NOX3: variants seen among roughly 807,000 people sequenced by gnomAD.
NOX3 encodes the protein NADPH oxidase 3.
NOX3 carries 74 observed loss-of-function variants against 76.7 expected under a neutral mutation model. That is an observed-to-expected ratio of 0.96 (90% confidence interval 0.80 to 1.17). The LOEUF (loss-of-function observed/expected upper bound fraction) is 1.17, where lower values mean the gene tolerates loss of function less well. NOX3 is among the 50% of genes most tolerant of loss of function. The probability of loss-of-function intolerance (pLI) is 0.00; values close to 1 mark genes in which losing one functional copy is unlikely to be tolerated. For synonymous variants in NOX3, 263 were observed against 261.1 expected (o/e 1.01, Z -0.07); for missense variants, 695 against 703.3 (o/e 0.99, Z 0.13).
chr6:155,407,131 T>G lies in NOX3; in HGVS notation c.1579A>C (p.Ser527Arg). The change falls in exon 12 of 14, where the codon AGC (serine) becomes CGC (arginine). Residue 527 changes from serine (S) to arginine (R), a missense_variant and splice_region_variant. Physicochemically the swap from Ser to Arg is moderately radical, Grantham distance 110. Transcript: ENST00000159060. ...EFKQIAYNHP[S>R]SSIGVFFCGP... is the part of the protein sequence containing the mutation. ...GAGAGGAGCAAGAGCTTGCCTTACC[T>G]GGGGTGATTGTAGGCAATCTGCTTG... is the stretch of plus-strand genomic sequence containing the variant. 6.2e-7 allele frequency: 1 copy of G among 1,613,948 alleles called. No individual in the cohort carries two copies. The highest frequency in any genetic ancestry group is 8.5e-7 in the Non-Finnish European group (1 of 1,179,880).
intron 9 of NOX3, among the ~76,000 whole-genome samples, chr6:155,427,026 T>TGC (rs1200413291): frequency 6.3e-5 from 8 of 127,560 alleles, no homozygotes; most frequent in African/African-American, 1.8e-4. Flanking sequence ...TGTGTGTGTG[T>TGC]GTGCTGGGGG....
At position 155,428,822 on chromosome 6, in the gene NOX3, C is replaced by A. The variant is rs773252474; in HGVS notation, c.1117G>T (p.Ala373Ser). Residue 373 changes from alanine (A) to serine (S), a missense_variant, in exon 9 of 14, where the codon GCC (alanine) becomes TCC (serine). Transcript: ENST00000159060. Reference sequence around the variant, plus strand: ...GGCAGGCTCCAGGGCTCCTGGAGGGCCTGTCCCTCTGCCCCAAAGGCCTCC... The same window carrying A: ...GGCAGGCTCCAGGGCTCCTGGAGGGACTGTCCCTCTGCCCCAAAGGCCTCC... ...LLEAFGAEGQ[A>S]LQEPWSLPRL... 3 of 1,549,534 alleles carry A rather than the reference C, an allele frequency of 1.9e-6. No individual in the cohort carries two copies. The highest frequency in any genetic ancestry group is 2.6e-6 in the Non-Finnish European group (3 of 1,142,988).
At chr6:155,407,104 GGGAGA>G in intron 12 of NOX3, 21 bp downstream of exon 12, 1 of 1,613,666 alleles carries the variant, frequency 6.2e-7, no homozygotes, top group Non-Finnish European at 8.5e-7. Flanking sequence ...GAGCCTGGCA[GGGAGA>G]GGAGCAAGAG....
At chr6:155,438,785 T>TC (rs1265444851) in intron 6 of NOX3, among the ~76,000 whole-genome samples, 2 of 152,244 alleles carry the variant, frequency 1.3e-5, no homozygotes, top group African/African-American at 4.8e-5. Context: ...GGAGGCCACC[T>TC]CCGGGACAGG....
intron 7 of NOX3, among the ~76,000 whole-genome samples, chr6:155,433,910 TTTC>T (rs1235027598): frequency 5.3e-5 from 8 of 152,222 alleles, no homozygotes; most frequent in Non-Finnish European, 1.0e-4. Context: ...TTGGCTTTCT[TTTC>T]TTCTTCTTCA....
chr6:155,395,461 A>G lies in NOX3; in HGVS notation c.*141T>C, dbSNP rs532977608. 1.3e-4 allele frequency: 20 copies of G among 152,310 alleles called. No homozygotes were observed. Among genetic ancestry groups the G allele is most frequent in the Admixed American group, 1.2e-3 (19 of 15,302 alleles). The allele number at this position is 152,310 out of a possible 1,614,324, so 9.4% of individuals were successfully genotyped here. A position where few individuals can be genotyped will look rare whatever the true frequency, so the allele number is the denominator to read the frequency against. ...AAGCTAAGGAAGTATGGTATAGTGT[A>G]CTGTTCACAATAGTTAATTATTATT... On this transcript the variant is annotated 3_prime_UTR_variant, in exon 14 of 14. Coordinates refer to ENST00000159060, the MANE Select transcript of NOX3 (RefSeq NM_015718.3).
At chr6:155,402,753 T>C (rs1023346848) in intron 12 of NOX3, among the ~76,000 whole-genome samples, 12 of 152,234 alleles carry the variant, frequency 7.9e-5, no homozygotes, top group African/African-American at 2.7e-4. Context: ...AACTCCAGCT[T>C]TGAGTGAACA....
chr6:155,414,380 T>C (rs1014718022), intron 10 of NOX3, among the ~76,000 whole-genome samples: 5 of 152,144 alleles, frequency 3.3e-5, no homozygotes, highest in Admixed American at 2.6e-4. Flanking sequence ...TGCTTTCCAA[T>C]GCTCACCCCA....
At chr6:155,428,685 A>T (rs973529208) in intron 9 of NOX3, 109 bp downstream of exon 9, 1 of 1,111,366 alleles carries the variant, frequency 9.0e-7, no homozygotes, top group Non-Finnish European at 1.2e-6. Flanking sequence ...CACAGTCTCA[A>T]ACTCACCATT....
At chr6:155,437,779 G>A (rs992132332) in intron 6 of NOX3, among the ~76,000 whole-genome samples, 5 of 152,130 alleles carry the variant, frequency 3.3e-5, no homozygotes, top group Admixed American at 6.5e-5. Context: ...CATTTTAAAC[G>A]TTTGAAATGT....
intron 9 of NOX3, among the ~76,000 whole-genome samples, chr6:155,424,963 G>A (rs1776738819): frequency 6.6e-6 from 1 of 152,140 alleles, no homozygotes; most frequent in African/African-American, 2.4e-5. Flanking sequence ...TACATCTTTA[G>A]AATTGAAACT....
Position 155,441,953 on chromosome 6 carries a change from A to G in NOX3, c.486+1320T>C, listed in dbSNP as rs536561060. 4.6e-5 allele frequency among the ~76,000 whole-genome samples: 7 copies of G among 152,336 alleles called. No homozygotes were observed. The South Asian group carries it at 6.2e-4, about 14-fold the overall frequency. On this transcript the variant is annotated intron_variant, in intron 5 of 13. Transcript: ENST00000159060. The stretch of plus-strand genomic sequence containing the variant: ...TCGGAAGTGTGAAATTTTTGCTTCC[A>G]ATAGCTGTCAGCTAAGAAAAGGTAG...
intron 7 of NOX3, among the ~76,000 whole-genome samples, chr6:155,433,554 G>T (rs992654023): frequency 6.6e-6 from 1 of 152,232 alleles, no homozygotes; most frequent in African/African-American, 2.4e-5. Flanking sequence ...ACTAGCTGGA[G>T]AAAATTATTA....
intron 4 of NOX3, among the ~76,000 whole-genome samples, chr6:155,451,230 C>G (rs181310996): frequency 6.6e-6 from 1 of 152,130 alleles, no homozygotes; most frequent in South Asian, 2.1e-4. Context: ...CCACCCGCCC[C>G]GGCCTCCCAA....
intron 12 of NOX3, among the ~76,000 whole-genome samples, chr6:155,404,575 T>C (rs946484465): frequency 4.6e-5 from 7 of 152,174 alleles, no homozygotes; most frequent in African/African-American, 1.7e-4. Context: ...AGCAAGATTG[T>C]GAGGTTGTGC....
intron 7 of NOX3, among the ~76,000 whole-genome samples, chr6:155,432,802 C>T (rs369102509): frequency 6.6e-6 from 1 of 152,136 alleles, no homozygotes; most frequent in Non-Finnish European, 1.5e-5. Context: ...AACCTTTTGT[C>T]CCCCTATGCT....
chr6:155,425,986 GA>G (rs1423878993), intron 9 of NOX3, among the ~76,000 whole-genome samples: 2 of 152,166 alleles, frequency 1.3e-5, no homozygotes, highest in African/African-American at 4.8e-5. Flanking sequence ...CCAGGGGCTG[GA>G]TTAAATTTGT....
intron 7 of NOX3, 131 bp downstream of exon 7, chr6:155,436,287 C>T: frequency 9.9e-7 from 1 of 1,007,938 alleles, no homozygotes; most frequent in Non-Finnish European, 1.5e-6. Context: ...TTGATTTCTC[C>T]ATTAGCACAC....
chr6:155,404,590 G>C (rs1284023309), intron 12 of NOX3, among the ~76,000 whole-genome samples: 1 of 152,156 alleles, frequency 6.6e-6, no homozygotes, highest in African/African-American at 2.4e-5. Flanking sequence ...TTGTGCAGCT[G>C]GTCCACGCCC....
Sources: allele counts gnomAD v4.1 joint callset (sites outside exome capture counted in the v4.1 genomes callset), GRCh38; gene constraint gnomAD v4.1.1; transcripts MANE v1.5; gene names NCBI Gene and HGNC (gene_info 2026-07-23, HGNC 2026-07-21).